Variants in TBC1D19 observed in about 807,000 individuals in gnomAD.
TBC1D19 encodes the protein TBC1 domain family, member 19.
In TBC1D19, 60 loss-of-function variants were observed where a neutral mutation model predicts 89.0. That is an observed-to-expected ratio of 0.67 (90% CI 0.55 to 0.84). TBC1D19 has a LOEUF of 0.84. TBC1D19 is among the 40% of genes least tolerant of loss of function. The pLI is 0.00. For synonymous variants in TBC1D19, 189 were observed against 199.7 expected (o/e 0.95, Z 0.45); for missense variants, 500 against 610.8 (o/e 0.82, Z 1.91).
At chr4:26,759,026 C>A (rs1719367405), downstream of TBC1D19, among the ~76,000 whole-genome samples, 1 of 152,178 alleles carries the variant, frequency 6.6e-6, no homozygotes, top group Non-Finnish European at 1.5e-5. Flanking sequence ...GCTTCCTCTG[C>A]TTAGAATGCC....
In TBC1D19 at chr4:26,637,204, G is replaced by T; in HGVS notation, c.295-7G>T. 1 of 1,590,642 alleles carries T rather than the reference G, an allele frequency of 6.3e-7. No homozygotes were observed. The highest frequency in any genetic ancestry group is 8.6e-7 in the Non-Finnish European group (1 of 1,163,986). On this transcript the variant is annotated splice_polypyrimidine_tract_variant and splice_region_variant and intron_variant, in intron 4 of 20. Coordinates refer to ENST00000264866, the MANE Select transcript of TBC1D19 (RefSeq NM_018317.4). ...GAAAAGATAATTGATTGTTTTTTAT[G>T]TTTCAGGGAAGTTGGGAAAAAAGAA...
At chr4:26,651,006 G>C (rs1442047606) in intron 7 of TBC1D19, among the ~76,000 whole-genome samples, 1 of 152,158 alleles carries the variant, frequency 6.6e-6, no homozygotes, top group African/African-American at 2.4e-5. Flanking sequence ...TCTCAGGTTT[G>C]TCAAAGATCA....
intron 7 of TBC1D19, among the ~76,000 whole-genome samples, chr4:26,652,750 TTC>T (rs1744488699): frequency 6.6e-6 from 1 of 152,222 alleles, no homozygotes; most frequent in Non-Finnish European, 1.5e-5. Context: ...TATTTGATTC[TTC>T]TCTCTTTTCT....
chr4:26,678,492 T>C (rs1313081166), intron 11 of TBC1D19, among the ~76,000 whole-genome samples: 5 of 151,258 alleles, frequency 3.3e-5, no homozygotes, highest in Non-Finnish European at 1.5e-5. Context: ...CAGGGAAAAA[T>C]AGTTATTCAT....
chr4:26,712,124 A>G (rs1414414240), intron 13 of TBC1D19, among the ~76,000 whole-genome samples: 1 of 152,112 alleles, frequency 6.6e-6, no homozygotes, highest in Non-Finnish European at 1.5e-5. Context: ...TTTTTCCTCT[A>G]GGCAATAGTA....
upstream of TBC1D19, among the ~76,000 whole-genome samples, chr4:26,580,325 G>T (rs1418875264): frequency 6.6e-6 from 1 of 152,154 alleles, no homozygotes; most frequent in Non-Finnish European, 1.5e-5. Flanking sequence ...AGCACCTTTG[G>T]TGCTTTTGTA....
chr4:26,710,949 T>A (rs1332135023), intron 13 of TBC1D19, among the ~76,000 whole-genome samples: 1 of 152,196 alleles, frequency 6.6e-6, no homozygotes, highest in Non-Finnish European at 1.5e-5. Flanking sequence ...GATGAGTAGG[T>A]TGCAAAAATT....
the TBC1D19 span, chr4:26,858,000 G>T: frequency 2.0e-5 from 3 of 152,374 alleles, no homozygotes; most frequent in Admixed American, 6.5e-5. Flanking sequence ...CCCAGAGCCA[G>T]TTCTCCCCAA....
intron 7 of TBC1D19, among the ~76,000 whole-genome samples, chr4:26,648,037 A>G (rs925867820): frequency 2.0e-4 from 31 of 152,266 alleles, no homozygotes; most frequent in African/African-American, 7.2e-4. Context: ...CTGCTTCAGC[A>G]GTCACACAGG....
At chr4:26,674,090 G>T (rs969085333) in intron 11 of TBC1D19, among the ~76,000 whole-genome samples, 1 of 151,990 alleles carries the variant, frequency 6.6e-6, no homozygotes, top group Non-Finnish European at 1.5e-5. Flanking sequence ...TGAAGTTTTT[G>T]TTATTAATAA....
chr4:26,682,847 CCCTCTTTT>C (rs1305770332), intron 11 of TBC1D19, among the ~76,000 whole-genome samples: 6 of 152,134 alleles, frequency 3.9e-5, no homozygotes, highest in African/African-American at 1.4e-4. Context: ...TTTCCATTTT[CCCTCTTTT>C]CCACTTCTTA....
chr4:26,731,403 G>A (rs933741950), intron 15 of TBC1D19, among the ~76,000 whole-genome samples: 1 of 151,948 alleles, frequency 6.6e-6, no homozygotes, highest in Non-Finnish European at 1.5e-5. Context: ...GAGTTAAGTG[G>A]TCCTTATCCA....
chr4:26,695,544 A>G (rs1055054240), intron 13 of TBC1D19, among the ~76,000 whole-genome samples: 31 of 152,168 alleles, frequency 2.0e-4, no homozygotes, highest in African/African-American at 7.0e-4. Context: ...AGCAACCCCA[A>G]GACACATAAT....
chr4:26,641,936 G>A (rs900884598), intron 7 of TBC1D19, among the ~76,000 whole-genome samples: 1 of 152,178 alleles, frequency 6.6e-6, no homozygotes, highest in African/African-American at 2.4e-5. Flanking sequence ...TATGTGAAAA[G>A]ACCAAATCTA....
chr4:26,629,488 T>C (rs1185882868), intron 4 of TBC1D19, among the ~76,000 whole-genome samples: 1 of 152,022 alleles, frequency 6.6e-6, no homozygotes, highest in Non-Finnish European at 1.5e-5. Flanking sequence ...CAGCCCGTGG[T>C]AGATAATAGA....
intron 13 of TBC1D19, among the ~76,000 whole-genome samples, chr4:26,693,133 A>G (rs1714449918): frequency 6.6e-6 from 1 of 152,028 alleles, no homozygotes; most frequent in African/African-American, 2.4e-5. Flanking sequence ...TAAAAAAAAA[A>G]AAAAAAACCC....
At chr4:26,675,950 TG>T (rs1240913559) in intron 11 of TBC1D19, among the ~76,000 whole-genome samples, 1 of 152,240 alleles carries the variant, frequency 6.6e-6, no homozygotes, top group Non-Finnish European at 1.5e-5. Flanking sequence ...AGATTGCTTT[TG>T]TATATTTCCT....
At chr4:26,780,127 T>C in the TBC1D19 span, among the ~76,000 whole-genome samples, 1 of 152,220 alleles carries the variant, frequency 6.6e-6, no homozygotes. Context: ...ATTCACTTTG[T>C]CTAGCTTTGA....
chr4:26,690,139 C>T (rs1400371299), intron 13 of TBC1D19, among the ~76,000 whole-genome samples: 1 of 152,186 alleles, frequency 6.6e-6, no homozygotes, highest in African/African-American at 2.4e-5. Context: ...TGACATTCCC[C>T]TAAACCAAAG....
Sources: allele counts gnomAD v4.1 joint callset (sites outside exome capture counted in the v4.1 genomes callset), GRCh38; gene constraint gnomAD v4.1.1; transcripts MANE v1.5; gene names NCBI Gene and HGNC (gene_info 2026-07-23, HGNC 2026-07-21).